Variants in NKD1 observed in about 807,000 individuals in gnomAD.
The protein encoded by NKD1 is protein naked cuticle homolog 1.
Under a neutral mutation model 56.0 loss-of-function variants are expected in NKD1, and 21 were observed. The observed-to-expected ratio is 0.38, with a 90% CI of 0.27 to 0.54. The LOEUF (loss-of-function observed/expected upper bound fraction) is 0.54. Among genes scored for constraint, NKD1 ranks in the 20% least tolerant of loss-of-function variants. The pLI, the probability that NKD1 is intolerant of heterozygous loss-of-function variation, is 0.82. For synonymous variants in NKD1, 263 were observed against 265.7 expected, an observed-to-expected ratio of 0.99 and a Z score of 0.10; for missense variants, 578 against 642.7, an observed-to-expected ratio of 0.90 and a Z score of 1.09.
chr16:50,576,609 T>G (rs576219291), intron 3 of NKD1, among the ~76,000 whole-genome samples: 1 of 152,150 alleles, frequency 6.6e-6, no homozygotes. Context: ...TGCAGGAAAC[T>G]TGGGGAGATT....
chr16:50,613,557 GCAGCGGTGA>G (rs1961896621), intron 4 of NKD1: 1 of 152,224 alleles, frequency 6.6e-6, no homozygotes, highest in African/African-American at 2.4e-5. Flanking sequence ...AAGCTGAGTT[GCAGCGGTGA>G]CAGAGAACAA....
At chr16:50,576,993 C>T (rs1203873753) in intron 3 of NKD1, among the ~76,000 whole-genome samples, 1 of 152,172 alleles carries the variant, frequency 6.6e-6, no homozygotes, top group Non-Finnish European at 1.5e-5. Context: ...TCAGGAGGTG[C>T]CCATTGTGTT....
chr16:50,624,483 C>A (rs982943649), intron 5 of NKD1, among the ~76,000 whole-genome samples: 5 of 152,196 alleles, frequency 3.3e-5, no homozygotes, highest in African/African-American at 1.2e-4. Context: ...ATTGATTGAG[C>A]TTTTCCATGT....
In NKD1 at chr16:50,641,370, A is replaced by G. The variant is rs79722426; in HGVS notation, c.*7589A>G. ...CCCCTGCCCACTCTAAGCCTCCAGA[A>G]GTCAATCCTCTGCTCACCGGGACCG... On this transcript the variant is annotated 3_prime_UTR_variant, in exon 10 of 10. Transcript: ENST00000268459. 2,028 of 152,386 alleles carry G rather than the reference A, an allele frequency of 0.013. 45 individuals carry two copies. Among genetic ancestry groups the G allele is most frequent in the African/African-American group, 0.046 (1,895 of 41,578 alleles). 9.4% of individuals were successfully genotyped at this position (152,386 alleles called of 1,614,324 possible). A position where few individuals can be genotyped will look rare whatever the true frequency, so the allele number is the denominator to read the frequency against.
chr16:50,618,639 TC>T (rs1375770164), intron 4 of NKD1, among the ~76,000 whole-genome samples: 1 of 152,152 alleles, frequency 6.6e-6, no homozygotes, highest in Non-Finnish European at 1.5e-5. Flanking sequence ...TGAACGACCT[TC>T]TTTGGTGGGG....
rs1275147166 is a variant in NKD1, at chr16:50,630,838, C to T, written c.623C>T (p.Ala208Val). 4 of 1,603,408 alleles carry T rather than the reference C, an allele frequency of 2.5e-6. No individual in the cohort carries two copies. The East Asian group carries it at 9.0e-5, about 36-fold the overall frequency. Residue 208 changes from alanine to valine, a missense_variant, in exon 8 of 10, where the codon GCA (alanine) becomes GTA (valine). Ala to Val is a moderately conservative substitution (Grantham distance 64). Coordinates refer to ENST00000268459, the MANE Select transcript of NKD1 (RefSeq NM_033119.5). ...GGGCCGGACTCAGACCTGCAGAGCG[C>T]AAGGCCCCGAGCAGAGACCAAGCCC... ...VLVNQADLQS[A>V]RPRAETKPTE...
At chr16:50,550,687 G>A (rs1960363214) in intron 3 of NKD1, among the ~76,000 whole-genome samples, 1 of 152,146 alleles carries the variant, frequency 6.6e-6, no homozygotes, top group Non-Finnish European at 1.5e-5. Context: ...TCAAATCTTG[G>A]TGGGCGGGGG....
intron 3 of NKD1, among the ~76,000 whole-genome samples, chr16:50,550,949 C>T (rs1960370431): frequency 6.7e-6 from 1 of 150,332 alleles, no homozygotes; most frequent in African/African-American, 2.5e-5. Flanking sequence ...GCAGTCCCTC[C>T]TTTTTCTTTT....
intron 3 of NKD1, among the ~76,000 whole-genome samples, chr16:50,563,156 T>C (rs1960679993): frequency 6.6e-6 from 1 of 152,208 alleles, no homozygotes; most frequent in Non-Finnish European, 1.5e-5. Flanking sequence ...CTGCCTAAAT[T>C]TTAAGATATA....
chr16:50,602,961 A>G (rs1961629815), intron 3 of NKD1, among the ~76,000 whole-genome samples: 1 of 152,210 alleles, frequency 6.6e-6, no homozygotes, highest in Admixed American at 6.5e-5. Flanking sequence ...CTGGACACAC[A>G]TGTGAGCATC....
intron 3 of NKD1, chr16:50,562,418 AT>A: frequency 3.4e-6 from 1 of 290,558 alleles, no homozygotes; most frequent in Non-Finnish European, 5.1e-6. Flanking sequence ...AGGTTGTTTG[AT>A]TTTACAAAAA....
intron 3 of NKD1, among the ~76,000 whole-genome samples, chr16:50,594,188 T>C (rs962328514): frequency 6.6e-6 from 1 of 151,960 alleles, no homozygotes; most frequent in Non-Finnish European, 1.5e-5. Context: ...GGGAAGAAAA[T>C]GTCCATTTCC....
rs139741551 is a variant in NKD1 at position 50,569,164 on chromosome 16, A to G, written c.192+19609A>G. Among the ~76,000 whole-genome samples the G allele has an allele frequency of 1.3e-3, 199 of 152,328 alleles. 5 individuals carry two copies. The highest frequency in any genetic ancestry group is 4.6e-3 in the African/African-American group (190 of 41,572). On this transcript the variant is annotated intron_variant, in intron 3 of 9. Transcript: ENST00000268459. ...TGGGAAGTCAGATTCCGCTGACATT[A>G]TAGTCTATGGGTTGGGCAGTGGATG...
At chr16:50,571,741 G>C (rs1960888710) in intron 3 of NKD1, among the ~76,000 whole-genome samples, 1 of 152,058 alleles carries the variant, frequency 6.6e-6, no homozygotes, top group South Asian at 2.1e-4. Context: ...GTTGCTCCTG[G>C]AGGACTCCAA....
intron 3 of NKD1, among the ~76,000 whole-genome samples, chr16:50,563,665 G>A (rs1228730378): frequency 2.1e-5 from 3 of 140,946 alleles, no homozygotes; most frequent in Admixed American, 6.9e-5. Flanking sequence ...GCAAGCCCTG[G>A]ATGCATGGAG....
chr16:50,562,074 G>C (rs905199569), intron 3 of NKD1, among the ~76,000 whole-genome samples: 11 of 152,194 alleles, frequency 7.2e-5, no homozygotes, highest in African/African-American at 2.4e-5. Context: ...GCATTTGGAA[G>C]AATGAAAAGT....
Position 50,632,157 on chromosome 16 carries a change from C to T in NKD1, c.696-124C>T. The stretch of plus-strand genomic sequence containing the variant: ...AGAGGACTGTTCCTCCCCACCCTCT[C>T]CAAAGGCCAAGAAGGAAATGAATGA... On this transcript the variant is annotated intron_variant, in intron 8 of 9. Transcript: ENST00000268459. The surrounding 1 kb of genome is among the most constrained non-coding windows in gnomAD (Gnocchi z 4.1). 1 of 927,164 alleles carries T rather than the reference C, an allele frequency of 1.1e-6. No individual in the cohort carries two copies. The highest frequency in any genetic ancestry group is 1.6e-6 in the Non-Finnish European group (1 of 611,048). The allele number at this position is 927,164 out of a possible 1,614,324, so 57.4% of individuals were successfully genotyped here.
At position 50,582,064 on chromosome 16, in the gene NKD1, A is replaced by G. The variant is rs572469979; in HGVS notation, c.193-26230A>G. 3.9e-5 allele frequency among the ~76,000 whole-genome samples: 6 copies of G among 152,186 alleles called. No homozygotes were observed. In the East Asian group the frequency reaches 9.7e-4, roughly 25 times the overall value. ...GTTTGTCTCTTTGCCCAGCCATCGT[A>G]AGGCAGCTCATGGACCAGATGCCAG... On this transcript the variant is annotated intron_variant, in intron 3 of 9. Transcript: ENST00000268459.
chr16:50,630,054 G>T, intron 6 of NKD1, 132 bp from the exon 7 acceptor site: 2 of 722,304 alleles, frequency 2.8e-6, no homozygotes, highest in Non-Finnish European at 4.6e-6. Flanking sequence ...AGACATCCAG[G>T]TTTCTGCCTT....
Sources: allele counts gnomAD v4.1 joint callset (sites outside exome capture counted in the v4.1 genomes callset), GRCh38; gene constraint gnomAD v4.1.1; non-coding constraint Gnocchi (gnomAD v3.1); transcripts MANE v1.5; gene names NCBI Gene and HGNC (gene_info 2026-07-23, HGNC 2026-07-21).